Variants in KCNH8 observed in about 807,000 individuals in gnomAD.
The protein encoded by KCNH8 is potassium voltage-gated channel subfamily H member 8.
In KCNH8, 70 loss-of-function variants were observed where a neutral mutation model predicts 103.6. The observed-to-expected ratio is 0.68, with a 90% CI of 0.56 to 0.82. The LOEUF is 0.82. Ranked by LOEUF, KCNH8 falls within the 40% of genes least tolerant of loss-of-function variation. The pLI is 0.00. For missense variants in KCNH8, 1,217 were observed against 1,329.9 expected (o/e 0.92, Z 1.32); for synonymous variants, 498 against 489.4 (o/e 1.02, Z -0.23).
At chr3:19,501,100 C>T (rs1470324126) in intron 11 of KCNH8, among the ~76,000 whole-genome samples, 1 of 152,040 alleles carries the variant, frequency 6.6e-6, no homozygotes, top group Non-Finnish European at 1.5e-5. Flanking sequence ...GGGATATCAC[C>T]ACCGATCCCA....
chr3:19,354,635 A>T (rs2065853359), intron 5 of KCNH8, among the ~76,000 whole-genome samples: 1 of 152,216 alleles, frequency 6.6e-6, no homozygotes, highest in South Asian at 2.1e-4. Flanking sequence ...TGGGGAAAGG[A>T]TTCCCTATTT....
intron 11 of KCNH8, among the ~76,000 whole-genome samples, chr3:19,490,129 A>ACT (rs2068287539): frequency 6.6e-6 from 1 of 152,214 alleles, no homozygotes; most frequent in Admixed American, 6.5e-5. Flanking sequence ...AGCTGGCCGG[A>ACT]GTCCCCCGCA....
At chr3:19,480,814 C>G (rs2068072444) in intron 11 of KCNH8, among the ~76,000 whole-genome samples, 2 of 152,148 alleles carry the variant, frequency 1.3e-5, no homozygotes, top group South Asian at 2.1e-4. Context: ...TTTTCTCTGT[C>G]TGGTTCTTCA....
chr3:19,435,238 A>T (rs1430747610), intron 7 of KCNH8, among the ~76,000 whole-genome samples: 2 of 152,208 alleles, frequency 1.3e-5, no homozygotes, highest in Non-Finnish European at 2.9e-5. Flanking sequence ...AGACCACTGG[A>T]GGAAAAAAAT....
chr3:19,184,591 G>C (rs1047115931), intron 1 of KCNH8, among the ~76,000 whole-genome samples: 1 of 151,746 alleles, frequency 6.6e-6, no homozygotes, highest in Admixed American at 6.6e-5. Context: ...TTTTAAAATG[G>C]CGTTAAATAA....
intron 1 of KCNH8, among the ~76,000 whole-genome samples, chr3:19,170,455 A>G (rs781409174): frequency 6.6e-6 from 1 of 151,774 alleles, no homozygotes; most frequent in Non-Finnish European, 1.5e-5. Context: ...ACAGTATCAG[A>G]GAGTTACATA....
In KCNH8 at chr3:19,405,137, T is replaced by C. The variant is rs2066672607; in HGVS notation, c.1177+9826T>C. On this transcript the variant is annotated intron_variant, in intron 7 of 15. Coordinates refer to ENST00000328405, the MANE Select transcript of KCNH8 (RefSeq NM_144633.3). ...GAGAACATTGAGACTTTTTGTCCAG[T>C]TCATGGCATTTAATCTCCATTTATT... Among the ~76,000 whole-genome samples, 3 of 151,912 alleles carry C rather than the reference T, an allele frequency of 2.0e-5. 1 individual carries two copies. The highest frequency in any genetic ancestry group is 7.2e-5 in the African/African-American group (3 of 41,436).
At chr3:19,272,800 CT>C (rs1232605784) in intron 2 of KCNH8, among the ~76,000 whole-genome samples, 1 of 152,062 alleles carries the variant, frequency 6.6e-6, no homozygotes, top group East Asian at 1.9e-4. Flanking sequence ...TCTCCTTTTT[CT>C]TTTTTCCTAT....
chr3:19,281,175 T>A (rs757426104), intron 2 of KCNH8, 23 bp from the exon 3 acceptor site: 2 of 1,577,000 alleles, frequency 1.3e-6, no homozygotes, highest in Non-Finnish European at 1.7e-6. Flanking sequence ...TTGATTTGTA[T>A]TTTTTTTTCT....
chr3:19,467,198 G>A (rs1251968799), intron 11 of KCNH8, among the ~76,000 whole-genome samples: 6 of 151,740 alleles, frequency 4.0e-5, no homozygotes, highest in South Asian at 2.1e-4. Context: ...TTTCAATATC[G>A]TATAGAGAGT....
At chr3:19,410,674 C>G (rs1353884581) in intron 7 of KCNH8, among the ~76,000 whole-genome samples, 5 of 151,642 alleles carry the variant, frequency 3.3e-5, no homozygotes, top group Non-Finnish European at 5.9e-5. Context: ...AGAGAAAATC[C>G]AAATAAGTAC....
intron 9 of KCNH8, 127 bp from the exon 10 acceptor site, chr3:19,451,028 C>T (rs1157987504): frequency 1.2e-6 from 1 of 829,932 alleles, no homozygotes; most frequent in African/African-American, 1.7e-5. Context: ...ACTTAGATTT[C>T]CTCTTCTGTA....
chr3:19,224,155 T>C (rs1399012177), intron 1 of KCNH8, among the ~76,000 whole-genome samples: 1 of 152,202 alleles, frequency 6.6e-6, no homozygotes, highest in African/African-American at 2.4e-5. Flanking sequence ...AGTTTTTTTT[T>C]CTATTTTTGG....
At chr3:19,351,329 G>T (rs1216635742) in intron 5 of KCNH8, among the ~76,000 whole-genome samples, 2 of 152,118 alleles carry the variant, frequency 1.3e-5, no homozygotes, top group Admixed American at 1.3e-4. Context: ...TTATCCAGGA[G>T]AACTTTCCCA....
intron 1 of KCNH8, among the ~76,000 whole-genome samples, chr3:19,176,457 A>G (rs1002396152): frequency 6.6e-6 from 1 of 152,126 alleles, no homozygotes; most frequent in African/African-American, 2.4e-5. Context: ...TGAAAATGCT[A>G]TGAGATTGTG....
chr3:19,468,666 T>C (rs1008478692), intron 11 of KCNH8, among the ~76,000 whole-genome samples: 1 of 152,210 alleles, frequency 6.6e-6, no homozygotes, highest in African/African-American at 2.4e-5. Flanking sequence ...AGATCTGCCT[T>C]CAAATCTCAG....
At chr3:19,190,568 G>A (rs1480233368) in intron 1 of KCNH8, among the ~76,000 whole-genome samples, 1 of 151,932 alleles carries the variant, frequency 6.6e-6, no homozygotes, top group Non-Finnish European at 1.5e-5. Context: ...TTTTCCTGTA[G>A]TAGCTTTGTG....
intron 11 of KCNH8, among the ~76,000 whole-genome samples, chr3:19,505,759 C>T (rs1478478163): frequency 3.9e-5 from 6 of 152,110 alleles, no homozygotes; most frequent in Non-Finnish European, 1.5e-5. Flanking sequence ...ATATATTTTC[C>T]AGGTTGCTTG....
intron 1 of KCNH8, among the ~76,000 whole-genome samples, chr3:19,226,728 G>T (rs922846790): frequency 6.6e-6 from 1 of 152,024 alleles, no homozygotes; most frequent in Non-Finnish European, 1.5e-5. Context: ...AGCTCAGTTG[G>T]GTGCCATTCA....
Sources: allele counts gnomAD v4.1 joint callset (sites outside exome capture counted in the v4.1 genomes callset), GRCh38; gene constraint gnomAD v4.1.1; transcripts MANE v1.5; gene names NCBI Gene and HGNC (gene_info 2026-07-23, HGNC 2026-07-21).